The following SERGEF variants were observed in gnomAD, a reference collection of about 807,000 sequenced individuals.
SERGEF encodes the protein secretion-regulating guanine nucleotide exchange factor.
In SERGEF, 51 loss-of-function variants were observed where a neutral mutation model predicts 50.0. That is an observed-to-expected ratio of 1.02 (90% CI 0.81 to 1.29). The LOEUF (loss-of-function observed/expected upper bound fraction) is 1.29, where lower values mean the gene tolerates loss of function less well. Among genes scored for constraint, SERGEF ranks in the 50% most tolerant of loss-of-function variants. The pLI is 0.00. For synonymous variants in SERGEF, 205 were observed against 212.4 expected (o/e 0.97, Z 0.30); for missense variants, 521 against 557.0 (o/e 0.94, Z 0.65).
intron 9 of SERGEF, chr11:17,918,625 GACACACACAC>G: frequency 6.5e-6 from 2 of 307,944 alleles, no homozygotes; most frequent in Admixed American, 4.4e-5. Context: ...AGCAGGAACA[GACACACACAC>G]ACACACACAC....
intron 8 of SERGEF, among the ~76,000 whole-genome samples, chr11:17,984,751 C>T (rs1175245677): frequency 1.3e-5 from 2 of 152,170 alleles, no homozygotes; most frequent in Non-Finnish European, 1.5e-5. Context: ...AAGATTCAAG[C>T]CTTGGTCTAT....
rs1332818419 is a variant in SERGEF at position 17,825,019 on chromosome 11, C to T, written c.1049-36606G>A. On this transcript the variant is annotated intron_variant, in intron 10 of 10. Coordinates refer to ENST00000265965, the MANE Select transcript of SERGEF (RefSeq NM_012139.4). ...TCCAAGGAACACCTTCTAAAGCTTC[C>T]ACCTTGATGGCCTTGTTATCTGAAA... 3.3e-5 allele frequency among the ~76,000 whole-genome samples: 5 copies of T among 152,288 alleles called. No homozygotes were observed. The South Asian group carries it at 1.0e-3, about 32-fold the overall frequency.
In SERGEF at chr11:17,995,924, G is replaced by A; in HGVS notation, c.509-15C>T. The A allele has an allele frequency of 6.3e-7, 1 of 1,577,384 alleles. No homozygotes were observed. The highest frequency in any genetic ancestry group is 8.7e-7 in the Non-Finnish European group (1 of 1,147,504). On this transcript the variant is annotated splice_polypyrimidine_tract_variant and intron_variant, in intron 5 of 10. Coordinates refer to ENST00000265965, the MANE Select transcript of SERGEF (RefSeq NM_012139.4). ...GATGCCACTCGCTTCCCAACAGAAT[G>A]GAAGAGAAAGCAGAGAAGATGCACA...
chr11:17,884,090 G>A lies in SERGEF; in HGVS notation c.1012-5846C>T, dbSNP rs113642908. On this transcript the variant is annotated intron_variant, in intron 9 of 10. Coordinates refer to ENST00000265965, the MANE Select transcript of SERGEF (RefSeq NM_012139.4). This position sits in a 1 kb window ranked among gnomAD's most constrained non-coding sequence, Gnocchi z 4.6. ...CGCTTTCCTCTACCAGAGAGGGGTA[G>A]CCAGCCGCAGCCCAAAGGCCACCCA... Among the ~76,000 whole-genome samples, 9 of 152,302 alleles carry A rather than the reference G, an allele frequency of 5.9e-5. No individual in the cohort carries two copies. Among genetic ancestry groups the A allele is most frequent in the African/African-American group, 2.2e-4 (9 of 41,562 alleles).
chr11:17,867,439 C>T (rs1851051068), intron 10 of SERGEF, among the ~76,000 whole-genome samples: 1 of 152,252 alleles, frequency 6.6e-6, no homozygotes. Flanking sequence ...CAGGTGGGTT[C>T]CCATGGTCTT....
At chr11:17,854,601 C>G (rs1413769733) in intron 10 of SERGEF, among the ~76,000 whole-genome samples, 1 of 152,174 alleles carries the variant, frequency 6.6e-6, no homozygotes, top group Non-Finnish European at 1.5e-5. Context: ...CCTGTCCTTC[C>G]TGACAGTTTG....
chr11:17,977,289 G>A (rs1190919580), intron 8 of SERGEF, among the ~76,000 whole-genome samples: 1 of 152,212 alleles, frequency 6.6e-6, no homozygotes, highest in Non-Finnish European at 1.5e-5. Flanking sequence ...ATAACACAGT[G>A]AAGGGAATAG....
At chr11:17,830,474 G>A (rs941317357) in intron 10 of SERGEF, among the ~76,000 whole-genome samples, 2 of 152,042 alleles carry the variant, frequency 1.3e-5, no homozygotes, top group African/African-American at 4.8e-5. Flanking sequence ...TAATATCAAA[G>A]TGCCAGCATC....
intron 10 of SERGEF, among the ~76,000 whole-genome samples, chr11:17,813,813 G>A (rs188250916): frequency 2.2e-4 from 33 of 152,342 alleles, no homozygotes; most frequent in Non-Finnish European, 4.4e-4. Context: ...GGATATGGAG[G>A]AAAACTCGTT....
intron 10 of SERGEF, among the ~76,000 whole-genome samples, chr11:17,830,199 C>G (rs1489333108): frequency 6.6e-6 from 1 of 152,212 alleles, no homozygotes; most frequent in Non-Finnish European, 1.5e-5. Context: ...GGACCACATC[C>G]TATTTATATT....
chr11:17,803,487 C>A lies in SERGEF; in HGVS notation c.1049-15074G>T, dbSNP rs115032428. 5.0e-3 allele frequency among the ~76,000 whole-genome samples: 763 copies of A among 152,362 alleles called. 7 individuals carry two copies. The highest frequency in any genetic ancestry group is 0.017 in the African/African-American group (725 of 41,590). ...GGAGCCAGACAGGCTTGGATTTGAT[C>A]TTGCCTCTGTCACCTACTGTATATA... On this transcript the variant is annotated intron_variant, in intron 10 of 10. Transcript: ENST00000265965.
At chr11:17,891,511 C>T (rs954750944) in intron 9 of SERGEF, among the ~76,000 whole-genome samples, 14 of 152,096 alleles carry the variant, frequency 9.2e-5, no homozygotes, top group Non-Finnish European at 1.0e-4. Context: ...TCAAAGTAAC[C>T]AGAATATTAA....
In SERGEF at chr11:17,788,228, G is replaced by C; in HGVS notation, c.1234C>G (p.Pro412Ala). Residue 412 changes from proline to alanine, a missense_variant, in exon 11 of 11, where the codon CCC becomes GCC. Transcript: ENST00000265965. ...TCTGGGGAAAGGTAGGTGACCTTGG[G>C]GTCCTGGACCAATGCAGGGTGAGCT... Reference protein sequence around the residue: ...LPAHPALVQDPKVTYLSPDAI... With the variant: ...LPAHPALVQDAKVTYLSPDAI... 1 of 1,612,988 alleles carries C rather than the reference G, an allele frequency of 6.2e-7. No homozygotes were observed.
intron 9 of SERGEF, among the ~76,000 whole-genome samples, chr11:17,913,781 C>A (rs1851997222): frequency 6.6e-6 from 1 of 152,134 alleles, no homozygotes; most frequent in Non-Finnish European, 1.5e-5. Flanking sequence ...AGGCAGCCCT[C>A]ACACAGCCTG....
chr11:17,922,150 T>C (rs1475768131), intron 9 of SERGEF, among the ~76,000 whole-genome samples: 2 of 152,046 alleles, frequency 1.3e-5, no homozygotes, highest in Non-Finnish European at 2.9e-5. Flanking sequence ...GGAAACAGAG[T>C]GTCCTTGGAG....
intron 10 of SERGEF, among the ~76,000 whole-genome samples, chr11:17,818,744 C>T (rs866340426): frequency 5.9e-5 from 9 of 152,214 alleles, no homozygotes; most frequent in Non-Finnish European, 1.2e-4. Flanking sequence ...AAACTCCGCC[C>T]CTGATTTCCC....
intron 9 of SERGEF, among the ~76,000 whole-genome samples, chr11:17,948,315 A>C (rs1269518638): frequency 2.6e-5 from 4 of 152,206 alleles, no homozygotes; most frequent in Non-Finnish European, 5.9e-5. Context: ...AGCTAAATCC[A>C]ATAAGAATTA....
chr11:17,896,373 G>C (rs1271085119), intron 9 of SERGEF, among the ~76,000 whole-genome samples: 1 of 152,048 alleles, frequency 6.6e-6, no homozygotes, highest in African/African-American at 2.4e-5. Context: ...CCATAGGTCA[G>C]AGAAGTTAAC....
intron 9 of SERGEF, among the ~76,000 whole-genome samples, chr11:17,954,357 A>G (rs980821646): frequency 2.6e-5 from 4 of 152,220 alleles, no homozygotes; most frequent in African/African-American, 9.6e-5. Flanking sequence ...AGGGAGCTGT[A>G]GGACAAAGAC....
Sources: allele counts gnomAD v4.1 joint callset (sites outside exome capture counted in the v4.1 genomes callset), GRCh38; gene constraint gnomAD v4.1.1; non-coding constraint Gnocchi (gnomAD v3.1); transcripts MANE v1.5; gene names NCBI Gene and HGNC (gene_info 2026-07-23, HGNC 2026-07-21).